The following RNF150 variants were observed in gnomAD, a reference collection of about 807,000 sequenced individuals.
RNF150 encodes the protein ring finger protein 150.
In RNF150, 24 loss-of-function variants were observed where a neutral mutation model predicts 39.3. That is an observed-to-expected ratio of 0.61 (90% CI 0.44 to 0.86). The LOEUF is 0.86. Ranked by LOEUF, RNF150 falls within the 40% of genes least tolerant of loss-of-function variation. The pLI is 0.00. For missense variants in RNF150, 502 were observed against 587.8 expected (o/e 0.85, Z 1.51); for synonymous variants, 255 against 227.3 (o/e 1.12, Z -1.10).
At chr4:141,212,136 T>C (rs972800737) in intron 1 of RNF150, among the ~76,000 whole-genome samples, 1 of 152,130 alleles carries the variant, frequency 6.6e-6, no homozygotes, top group Admixed American at 6.5e-5. Context: ...ACTGGATGAC[T>C]ATAGGCTCAA....
chr4:140,860,662 G>T lies in RNF150; in HGVS notation c.*7599C>A, dbSNP rs928865426. The T allele has an allele frequency of 1.3e-5, 2 of 152,186 alleles. No homozygotes were observed. Among genetic ancestry groups the T allele is most frequent in the Admixed American group, 6.5e-5 (1 of 15,282 alleles). 9.4% of individuals were successfully genotyped at this position (152,186 alleles called of 1,614,324 possible). Reference sequence around the variant, plus strand: ...TGTTAGGATGGAAAAAAAGCCATTGGAATTTCCTCTTGCTAGTAGGGAGGA... The same window carrying T: ...TGTTAGGATGGAAAAAAAGCCATTGTAATTTCCTCTTGCTAGTAGGGAGGA... On this transcript the variant is annotated 3_prime_UTR_variant, in exon 7 of 7. Coordinates refer to ENST00000515673, the MANE Select transcript of RNF150 (RefSeq NM_020724.2).
intron 1 of RNF150, among the ~76,000 whole-genome samples, chr4:141,120,778 C>A (rs1490273405): frequency 6.6e-6 from 1 of 152,026 alleles, no homozygotes; most frequent in Non-Finnish European, 1.5e-5. Flanking sequence ...CGGAAGAGGG[C>A]CCTGAGGACA....
chr4:140,939,675 T>A (rs539728025), intron 4 of RNF150, among the ~76,000 whole-genome samples: 1 of 151,148 alleles, frequency 6.6e-6, no homozygotes, highest in South Asian at 2.1e-4. Flanking sequence ...AGTGATGACA[T>A]CCCTTTCAGT....
At chr4:141,006,223 CAT>C (rs1449133610) in intron 1 of RNF150, among the ~76,000 whole-genome samples, 1 of 40,932 alleles carries the variant, frequency 2.4e-5, no homozygotes, top group African/African-American at 4.4e-5. Flanking sequence ...TATATATACA[CAT>C]ATATATGTGT....
chr4:140,978,776 G>A (rs1733757350), intron 1 of RNF150, among the ~76,000 whole-genome samples: 1 of 152,050 alleles, frequency 6.6e-6, no homozygotes, highest in South Asian at 2.1e-4. Flanking sequence ...CAGTAAATCA[G>A]TCTTAAAAAA....
At chr4:140,888,434 T>C (rs1729651710) in intron 6 of RNF150, among the ~76,000 whole-genome samples, 1 of 152,234 alleles carries the variant, frequency 6.6e-6, no homozygotes, top group Non-Finnish European at 1.5e-5. Flanking sequence ...ATGCATTTTA[T>C]AAGATCATAA....
At chr4:141,162,535 G>T (rs1363513852) in intron 1 of RNF150, among the ~76,000 whole-genome samples, 1 of 152,118 alleles carries the variant, frequency 6.6e-6, no homozygotes. Flanking sequence ...AATAGGAACA[G>T]CTCCTGTCTG....
chr4:141,072,401 T>C (rs1737741126), intron 1 of RNF150, among the ~76,000 whole-genome samples: 2 of 152,170 alleles, frequency 1.3e-5, no homozygotes, highest in Admixed American at 1.3e-4. Context: ...GAGTACAGAA[T>C]GATGAAAAAG....
intron 1 of RNF150, among the ~76,000 whole-genome samples, chr4:141,073,491 T>C (rs1376124200): frequency 6.6e-6 from 1 of 151,642 alleles, no homozygotes; most frequent in African/African-American, 2.4e-5. Context: ...TCATGGGGGA[T>C]GCAAAATAAA....
At chr4:141,166,510 T>C (rs145783120) in intron 1 of RNF150, among the ~76,000 whole-genome samples, 4,580 of 152,258 alleles carry the variant, frequency 0.03, 227 homozygotes, top group African/African-American at 0.1. Context: ...TTCAGGCTAA[T>C]ATCCCTGATG....
intron 1 of RNF150, among the ~76,000 whole-genome samples, chr4:141,033,827 G>A (rs1020045109): frequency 6.6e-6 from 1 of 151,994 alleles, no homozygotes; most frequent in African/African-American, 2.4e-5. Flanking sequence ...CTCAACAGTG[G>A]GCTTAAAATA....
At chr4:141,104,742 G>T (rs1216873430) in intron 1 of RNF150, among the ~76,000 whole-genome samples, 1 of 152,170 alleles carries the variant, frequency 6.6e-6, no homozygotes, top group African/African-American at 2.4e-5. Context: ...ATTTGCAATG[G>T]CATAAACACT....
intron 1 of RNF150, among the ~76,000 whole-genome samples, chr4:141,000,034 A>G (rs1424468081): frequency 1.8e-5 from 1 of 56,794 alleles, no homozygotes; most frequent in Non-Finnish European, 4.3e-5. Flanking sequence ...AAGAAGAAGA[A>G]GAAGAAGAAG....
At chr4:140,935,041 A>ATAT (rs1560975653) in intron 4 of RNF150, among the ~76,000 whole-genome samples, 891 of 6,354 alleles carry the variant, frequency 0.14, 9 homozygotes, top group African/African-American at 0.2. Context: ...TAATATATAT[A>ATAT]TATAAATATA....
intron 1 of RNF150, among the ~76,000 whole-genome samples, chr4:141,018,572 T>C (rs79576115): frequency 1.9e-4 from 29 of 152,304 alleles, no homozygotes; most frequent in South Asian, 8.3e-4. Context: ...CTTAGTCTTA[T>C]AGGCCTTGCC....
intron 1 of RNF150, among the ~76,000 whole-genome samples, chr4:141,130,728 C>T (rs554954703): frequency 6.6e-6 from 1 of 152,270 alleles, no homozygotes; most frequent in South Asian, 2.1e-4. Flanking sequence ...CTTCCTTCAC[C>T]CCTCCTCCAC....
At chr4:140,999,300 G>A (rs1734490232) in intron 1 of RNF150, among the ~76,000 whole-genome samples, 1 of 152,198 alleles carries the variant, frequency 6.6e-6, no homozygotes, top group Non-Finnish European at 1.5e-5. Context: ...CTCTGCTGAT[G>A]AGCAGATCCA....
At chr4:141,137,414 C>T (rs1016681787), upstream of RNF150, among the ~76,000 whole-genome samples, 1 of 152,168 alleles carries the variant, frequency 6.6e-6, no homozygotes, top group Admixed American at 6.5e-5. Context: ...AGAAGTGATT[C>T]GATCCTCAAT....
At chr4:141,000,345 T>C (rs1278382939) in intron 1 of RNF150, among the ~76,000 whole-genome samples, 3 of 152,196 alleles carry the variant, frequency 2.0e-5, no homozygotes, top group African/African-American at 7.2e-5. Context: ...TTCATAAATA[T>C]ATTCTAGATT....
Sources: gnomAD v4.1 joint callset for allele counts (sites outside exome capture counted in the v4.1 genomes callset) on GRCh38, gnomAD v4.1.1 for gene constraint, MANE v1.5 for transcripts, NCBI Gene and HGNC (gene_info 2026-07-23, HGNC 2026-07-21) for gene names.